KIF27: variants seen among roughly 807,000 people sequenced by gnomAD.
The protein encoded by KIF27 is kinesin-like protein KIF27.
KIF27 carries 84 observed loss-of-function variants against 141.8 expected under a neutral mutation model. The observed-to-expected ratio is 0.59, with a 90% CI of 0.50 to 0.71. The LOEUF is 0.71. KIF27 is among the 30% of genes least tolerant of loss of function. The pLI is 0.00. For missense variants in KIF27, 1,306 were observed against 1,628.4 expected (o/e 0.80, Z 3.41); for synonymous variants, 471 against 569.5 (o/e 0.83, Z 2.46).
chr9:83,869,160 C>A (rs1950577727), intron 12 of KIF27, among the ~76,000 whole-genome samples: 1 of 151,830 alleles, frequency 6.6e-6, no homozygotes, highest in Non-Finnish European at 1.5e-5. Context: ...GGGAATGTAC[C>A]CATGTCACTA....
chr9:83,880,470 T>C lies in KIF27; in HGVS notation c.2470A>G (p.Ser824Gly). The C allele has an allele frequency of 6.2e-7, 1 of 1,611,696 alleles. No homozygotes were observed. Among genetic ancestry groups the C allele is most frequent in the Non-Finnish European group, 8.5e-7 (1 of 1,179,668 alleles). ...ATTGACAGTGATGCCAGTTTCTTAC[T>C]ATCTTGTTGCTTCTTCTGCAAGACC... ...VQVLQKKQQDSKKLASLSIQN... is the reference protein window; with the variant it reads ...VQVLQKKQQDGKKLASLSIQN... Residue 824 changes from serine to glycine, a missense_variant, in exon 11 of 18, where the codon AGT becomes GGT. Physicochemically the swap from Ser to Gly is moderately conservative, Grantham distance 56. Transcript: ENST00000297814.
At chr9:83,858,783 A>C (rs36081380) in intron 14 of KIF27, 7 of 243,288 alleles carry the variant, frequency 2.9e-5, no homozygotes, top group East Asian at 9.7e-5. Context: ...ACCTAGTATC[A>C]TTCAAGAAAT....
chr9:83,865,163 G>T (rs139630739), intron 13 of KIF27, among the ~76,000 whole-genome samples: 2,466 of 152,184 alleles, frequency 0.016, 31 homozygotes, highest in Non-Finnish European at 0.026. Flanking sequence ...TGTTTTCTCT[G>T]TTGTATCTTT....
intron 16 of KIF27, among the ~76,000 whole-genome samples, chr9:83,844,407 C>G (rs2131539591): frequency 7.1e-6 from 1 of 140,090 alleles, no homozygotes; most frequent in East Asian, 2.1e-4. Flanking sequence ...TCTAGAGAAC[C>G]CTAATACAGG....
rs1945615697 is a variant in KIF27 at position 83,834,761 on chromosome 9, C to T, written c.*2240G>A. Reference sequence around the variant, plus strand: ...TTGCTGTGCTTGCTAAGGGCACTGACCTTTGGCCATTATATATATCTATAT... The same window carrying T: ...TTGCTGTGCTTGCTAAGGGCACTGATCTTTGGCCATTATATATATCTATAT... On this transcript the variant is annotated 3_prime_UTR_variant, in exon 18 of 18. Transcript: ENST00000297814. Among the ~76,000 whole-genome samples, 1 of 150,396 alleles carries T rather than the reference C, an allele frequency of 6.6e-6. No individual in the cohort carries two copies. Among genetic ancestry groups the T allele is most frequent in the African/African-American group, 2.4e-5 (1 of 41,048 alleles).
chr9:83,916,279 C>T (rs996253150), intron 1 of KIF27, among the ~76,000 whole-genome samples: 22 of 152,130 alleles, frequency 1.4e-4, no homozygotes, highest in Non-Finnish European at 2.4e-4. Flanking sequence ...GTGACCCGCC[C>T]GCCTCGGCCT....
At position 83,920,743 on chromosome 9, in the gene KIF27, G is replaced by C. The variant is rs149650726; in HGVS notation, c.-88+628C>G. ...TTACTTAAAAGGTGTTTCAAAGAAA[G>C]AATCTGGGCGCTTTGCTCTTTATAG... is the stretch of plus-strand genomic sequence containing the variant. On this transcript the variant is annotated intron_variant, in intron 1 of 17. Coordinates refer to ENST00000297814, the MANE Select transcript of KIF27 (RefSeq NM_017576.4). Among the ~76,000 whole-genome samples, 3 of 152,278 alleles carry C rather than the reference G, an allele frequency of 2.0e-5. No individual in the cohort carries two copies. The East Asian group carries it at 5.8e-4, about 29-fold the overall frequency.
intron 11 of KIF27, among the ~76,000 whole-genome samples, chr9:83,876,803 T>C (rs749734629): frequency 3.3e-5 from 5 of 152,200 alleles, no homozygotes; most frequent in Non-Finnish European, 7.3e-5. Context: ...GGGCCAAGCA[T>C]GGTGGCTCAG....
At chr9:83,896,202 C>T (rs1403417794) in intron 5 of KIF27, among the ~76,000 whole-genome samples, 4 of 152,102 alleles carry the variant, frequency 2.6e-5, no homozygotes, top group African/African-American at 9.7e-5. Flanking sequence ...GAGATTGTGC[C>T]ACTGCGCTCT....
chr9:83,848,107 C>A (rs28832874), intron 16 of KIF27, among the ~76,000 whole-genome samples: 3,357 of 18,674 alleles, frequency 0.18, 1,121 homozygotes, highest in African/African-American at 0.43. Context: ...TATATGATAT[C>A]TCATATCTGA....
At chr9:83,847,890 T>C (rs1331476927) in intron 16 of KIF27, 1 of 153,114 alleles carries the variant, frequency 6.5e-6, no homozygotes, top group Non-Finnish European at 1.4e-5. Context: ...GACAGCCTAT[T>C]GTGGGACCTT....
chr9:83,854,768 T>C (rs907302554), intron 14 of KIF27, among the ~76,000 whole-genome samples: 2 of 152,188 alleles, frequency 1.3e-5, no homozygotes, highest in Non-Finnish European at 2.9e-5. Context: ...AAAGAATTAC[T>C]TCAGATTGGT....
chr9:83,849,252 T>C (rs1422904583), intron 16 of KIF27: 1 of 152,194 alleles, frequency 6.6e-6, no homozygotes, highest in African/African-American at 2.4e-5. Flanking sequence ...ATGTGTGAGA[T>C]CTTGCCAGGA....
At chr9:83,859,676 T>C (rs10115817) in intron 13 of KIF27, 69,329 of 281,286 alleles carry the variant, frequency 0.25, 9,401 homozygotes, top group African/African-American at 0.34. Flanking sequence ...GGATTACAGG[T>C]GCTCATCACC....
intron 2 of KIF27, among the ~76,000 whole-genome samples, chr9:83,912,133 C>A (rs1955232801): frequency 6.6e-6 from 1 of 152,078 alleles, no homozygotes. Flanking sequence ...GAGGGAAAAG[C>A]TGAGACTTTA....
rs571366404 is a variant in KIF27, at chr9:83,915,177, A to G, written c.298+117T>C. On this transcript the variant is annotated intron_variant, in intron 2 of 17. Transcript: ENST00000297814. ...TCTTATGATCACATTTGATTACATGATTCATTCCTTCACTATTCAATCAAT... is the reference window on the plus strand; with the variant it reads ...TCTTATGATCACATTTGATTACATGGTTCATTCCTTCACTATTCAATCAAT... The G allele has an allele frequency of 1.7e-3, 1,286 of 753,496 alleles. 3 individuals are homozygous for G. The highest frequency in any genetic ancestry group is 2.2e-3 in the Non-Finnish European group (1,038 of 475,562). 46.7% of individuals were successfully genotyped at this position (753,496 alleles called of 1,614,324 possible). A position where few individuals can be genotyped will look rare whatever the true frequency, so the allele number is the denominator to read the frequency against.
chr9:83,877,394 A>T (rs1951289134), intron 11 of KIF27, among the ~76,000 whole-genome samples: 1 of 152,188 alleles, frequency 6.6e-6, no homozygotes, highest in South Asian at 2.1e-4. Flanking sequence ...AAGGGTGCCA[A>T]GTCCATTCAA....
At chr9:83,869,619 T>C (rs1950611792) in intron 12 of KIF27, among the ~76,000 whole-genome samples, 1 of 152,034 alleles carries the variant, frequency 6.6e-6, no homozygotes, top group South Asian at 2.1e-4. Flanking sequence ...CCCAGCCACT[T>C]GGGAAGCTGA....
chr9:83,908,221 C>A (rs1219077175), intron 3 of KIF27, among the ~76,000 whole-genome samples: 1 of 143,668 alleles, frequency 7.0e-6, no homozygotes, highest in African/African-American at 2.6e-5. Flanking sequence ...AAGATCGCAC[C>A]ACTACACTCT....
Sources: gnomAD v4.1 joint callset for allele counts (sites outside exome capture counted in the v4.1 genomes callset) on GRCh38, gnomAD v4.1.1 for gene constraint, MANE v1.5 for transcripts, NCBI Gene and HGNC (gene_info 2026-07-23, HGNC 2026-07-21) for gene names.